BAZ2A: variants seen among roughly 807,000 people sequenced by gnomAD.
BAZ2A encodes the protein bromodomain adjacent to zinc finger domain 2A, also known as bromodomain adjacent to zinc finger domain protein 2A.
Under a neutral mutation model 199.9 loss-of-function variants are expected in BAZ2A, and 34 were observed. That is an observed-to-expected ratio of 0.17 (90% CI 0.13 to 0.23). The LOEUF (loss-of-function observed/expected upper bound fraction) is 0.23. Ranked by LOEUF, BAZ2A falls within the 10% of genes least tolerant of loss-of-function variation. BAZ2A has a pLI of 1.00. For synonymous variants in BAZ2A, 857 were observed against 883.9 expected (o/e 0.97, Z 0.54); for missense variants, 2,002 against 2,391.1 (o/e 0.84, Z 3.39).
In BAZ2A at chr12:56,599,258, C is replaced by T. The variant is rs374233405; in HGVS notation, c.5273G>A (p.Arg1758Gln). Residue 1758 changes from arginine (R) to glutamine (Q), a missense_variant, in exon 27 of 29, where the codon CGA becomes CAA. Transcript: ENST00000549884. Reference sequence around the variant, plus strand: ...TCGGCCCCTCAACAGTACCCGGCGTCGGCGGCCATCACCCTCTGAGAAGTT... The same window carrying T: ...TCGGCCCCTCAACAGTACCCGGCGTTGGCGGCCATCACCCTCTGAGAAGTT... ...SLNFSEGDGRRRRVLLRGRES... is the reference protein window; with the variant it reads ...SLNFSEGDGRQRRVLLRGRES... 7 of 1,613,082 alleles carry T rather than the reference C, an allele frequency of 4.3e-6. No homozygotes were observed. Among genetic ancestry groups the T allele is most frequent in the Admixed American group, 1.7e-5 (1 of 59,956 alleles).
chr12:56,603,660 C>T lies in BAZ2A; in HGVS notation c.3079G>A (p.Val1027Ile), dbSNP rs1164810398. 4 of 1,614,040 alleles carry T rather than the reference C, an allele frequency of 2.5e-6. No individual in the cohort carries two copies. The highest frequency in any genetic ancestry group is 3.4e-6 in the Non-Finnish European group (4 of 1,179,890). Residue 1027 changes from valine to isoleucine, a missense_variant, in exon 17 of 29, where the codon GTA becomes ATA. Transcript: ENST00000549884. ...CATTCCTCTGGCCCTTCCATCTCTACTTCAGACCGCCCAGTTCGCTTGGCC... is the reference window on the plus strand; with the variant it reads ...CATTCCTCTGGCCCTTCCATCTCTATTTCAGACCGCCCAGTTCGCTTGGCC... ...VLAKRTGRSE[V>I]EMEGPEECLG...
chr12:56,615,940 T>C (rs994587797), intron 2 of BAZ2A, among the ~76,000 whole-genome samples: 4 of 152,180 alleles, frequency 2.6e-5, no homozygotes, highest in Non-Finnish European at 4.4e-5. Context: ...AATCTCGCTA[T>C]GTCACCAGGC....
intron 1 of BAZ2A, among the ~76,000 whole-genome samples, chr12:56,625,058 G>A (rs1194309618): frequency 6.6e-6 from 1 of 152,040 alleles, no homozygotes; most frequent in Non-Finnish European, 1.5e-5. Context: ...CAGAAGACCA[G>A]GAATGCCTCT....
rs76228677 is a variant in BAZ2A, at chr12:56,617,345, A to G, written c.136+50T>C. 1,434 of 1,512,616 alleles carry G rather than the reference A, an allele frequency of 9.5e-4. 11 individuals carry two copies. The African/African-American group carries it at 0.018, about 19-fold the overall frequency. The allele number at this position is 1,512,616 out of a possible 1,614,324, so 93.7% of individuals were successfully genotyped here. ...AAATATCCCCCCATGAATCTGCCCT[A>G]AAGGGATGATGCCCATTCCCTCCCC... On this transcript the variant is annotated intron_variant, in intron 2 of 28. Coordinates refer to ENST00000549884, the MANE Select transcript of BAZ2A (RefSeq NM_001300905.2).
chr12:56,613,827 C>T, intron 4 of BAZ2A, 126 bp downstream of exon 4: 2 of 1,036,202 alleles, frequency 1.9e-6, no homozygotes, highest in South Asian at 3.3e-5. Flanking sequence ...TGTGGTCTGC[C>T]TTAGGCCTAC....
chr12:56,599,911 C>T, intron 25 of BAZ2A, 53 bp downstream of exon 25: 1 of 1,613,192 alleles, frequency 6.2e-7, no homozygotes, highest in Non-Finnish European at 8.5e-7. Context: ...GTGACCCCAC[C>T]CCGCCCCTGC....
chr12:56,607,274 C>T (rs139678713), intron 10 of BAZ2A, among the ~76,000 whole-genome samples: 2 of 152,322 alleles, frequency 1.3e-5, no homozygotes, highest in East Asian at 1.9e-4. Context: ...TCTTGCTTCA[C>T]TAAAAGTTCT....
intron 16 of BAZ2A, 46 bp from the exon 17 acceptor site, chr12:56,603,746 C>A (rs1189730431): frequency 6.2e-7 from 1 of 1,602,518 alleles, no homozygotes; most frequent in East Asian, 2.2e-5. Flanking sequence ...AGTGTGGTGG[C>A]TCACACCTGT....
At chr12:56,634,863 G>A (rs1370035059), upstream of BAZ2A, 6 of 965,552 alleles carry the variant, frequency 6.2e-6, no homozygotes, top group Non-Finnish European at 7.4e-6. Flanking sequence ...CGAATCCCGG[G>A]GCAGCAGGGA....
intron 24 of BAZ2A, 52 bp downstream of exon 24, chr12:56,600,149 G>A: frequency 3.1e-6 from 5 of 1,612,260 alleles, no homozygotes; most frequent in Non-Finnish European, 4.2e-6. Context: ...ACTAAAGAGG[G>A]AACTTATCCC....
intron 25 of BAZ2A, 46 bp from the exon 26 acceptor site, chr12:56,599,894 C>G (rs1886262210): frequency 1.2e-6 from 2 of 1,613,252 alleles, no homozygotes; most frequent in African/African-American, 1.3e-5. Context: ...CCAGCCTCTA[C>G]CTGCCAGTGA....
rs1886040700 is a variant in BAZ2A at position 56,598,326 on chromosome 12, T to C, written c.*292A>G. ...GTAGGGACGACTTTCCCCCTCCCCA[T>C]TTTTAATTAGCAAATAAAACAGAAA... is the stretch of plus-strand genomic sequence containing the variant. On this transcript the variant is annotated 3_prime_UTR_variant, in exon 29 of 29. Transcript: ENST00000549884. The C allele has an allele frequency of 3.1e-6, 1 of 320,198 alleles. No homozygotes were observed. Among genetic ancestry groups the C allele is most frequent in the African/African-American group, 2.2e-5 (1 of 46,208 alleles). 19.8% of individuals were successfully genotyped at this position (320,198 alleles called of 1,614,324 possible).
At position 56,605,103 on chromosome 12, in the gene BAZ2A, G is replaced by A. The variant is rs748010137; in HGVS notation, c.2718C>T (p.Leu906=). Residue 906 remains leucine (L), a synonymous_variant, in exon 14 of 29, where the codon CTC becomes CTT. Coordinates refer to ENST00000549884, the MANE Select transcript of BAZ2A (RefSeq NM_001300905.2). The part of the protein sequence containing the change: ...DLLVRLLKAA[L]HDPGFPSYCQ... ...AGTAGGAGGGAAAGCCAGGATCATGGAGTGCAGCCTTCAGCAGCCTGACCA... is the reference window on the plus strand; with the variant it reads ...AGTAGGAGGGAAAGCCAGGATCATGAAGTGCAGCCTTCAGCAGCCTGACCA... The A allele has an allele frequency of 2.5e-6, 4 of 1,611,760 alleles. No individual in the cohort carries two copies. Among genetic ancestry groups the A allele is most frequent in the Non-Finnish European group, 3.4e-6 (4 of 1,178,290 alleles).
rs1234729240 is a variant in BAZ2A, at chr12:56,602,727, G to A, written c.3410C>T (p.Thr1137Ile). ...GGCACACCTACCTAAGTTCCCCTCTGTTCCTTCTACAAAGATACCAGCCAA... is the reference window on the plus strand; with the variant it reads ...GGCACACCTACCTAAGTTCCCCTCTATTCCTTCTACAAAGATACCAGCCAA... ...PYLAGIFVEG[T>I]EGNLVPEEVI... The change falls in exon 19 of 29, where the codon ACA (threonine) becomes ATA (isoleucine). Residue 1137 changes from threonine to isoleucine, a missense_variant. Thr to Ile is a moderately conservative substitution (Grantham distance 89). Transcript: ENST00000549884. 6 of 1,613,850 alleles carry A rather than the reference G, an allele frequency of 3.7e-6. No homozygotes were observed. In the South Asian group the frequency reaches 4.4e-5, roughly 12 times the overall value.
Position 56,609,845 on chromosome 12 carries a change from A to T in BAZ2A, c.1983T>A (p.Thr661=). The change falls in exon 10 of 29, where the codon ACT becomes ACA. Residue 661 remains threonine, a synonymous_variant. Transcript: ENST00000549884. The stretch of plus-strand genomic sequence containing the variant: ...CCCGTTTCACCTTGGGGACTTCCTT[A>T]GTCTTAGCCTTCTCAGTGTTTCGAG... ...GRPRNTEKAK[T]KEVPKVKRGR... is the part of the protein sequence containing the mutation. The T allele has an allele frequency of 6.2e-7, 1 of 1,613,826 alleles. No homozygotes were observed. Among genetic ancestry groups the T allele is most frequent in the Admixed American group, 1.7e-5 (1 of 60,006 alleles).
At position 56,599,687 on chromosome 12, in the gene BAZ2A, G is replaced by GAA. The variant is rs772144279; in HGVS notation, c.5172+14_5172+15insTT. On this transcript the variant is annotated intron_variant, in intron 26 of 28. Transcript: ENST00000549884. ...TTTCTGTTTGAGTGTGGGAAAGAAA[G>GAA]AGCAGAAGCCTTACCTGAGCCAAAC... 2 of 1,612,802 alleles carry GAA rather than the reference G, an allele frequency of 1.2e-6. No individual in the cohort carries two copies. Among genetic ancestry groups the GAA allele is most frequent in the Admixed American group, 3.3e-5 (2 of 60,024 alleles).
chr12:56,603,312 T>G (rs1408875955), intron 18 of BAZ2A, 47 bp downstream of exon 18: 1 of 1,577,258 alleles, frequency 6.3e-7, no homozygotes, highest in East Asian at 2.2e-5. Flanking sequence ...TGATCAATTC[T>G]TGCCCAGCCC....
intron 1 of BAZ2A, among the ~76,000 whole-genome samples, chr12:56,625,309 T>A (rs1443034246): frequency 6.6e-6 from 1 of 151,612 alleles, no homozygotes; most frequent in Non-Finnish European, 1.5e-5. Context: ...GCGCCCACCA[T>A]CACACCCGGC....
At chr12:56,630,856 G>A (rs1951290873), upstream of BAZ2A, 1 of 985,544 alleles carries the variant, frequency 1.0e-6, no homozygotes, top group Non-Finnish European at 1.2e-6. Context: ...TCACCGGAAA[G>A]GAAAGATTCC....
Sources: gnomAD v4.1 joint callset for allele counts (sites outside exome capture counted in the v4.1 genomes callset) on GRCh38, gnomAD v4.1.1 for gene constraint, MANE v1.5 for transcripts, NCBI Gene and HGNC (gene_info 2026-07-23, HGNC 2026-07-21) for gene names.